Variants in CHST11 observed in about 807,000 individuals in gnomAD.
CHST11 encodes the protein C4S-1.
A neutral mutation model predicts 30.4 loss-of-function variants in CHST11; 9 were observed. That is an observed-to-expected ratio of 0.30 (90% CI 0.18 to 0.52). CHST11 has a LOEUF of 0.52. Ranked by LOEUF, CHST11 falls within the 20% of genes least tolerant of loss-of-function variation. The pLI, the probability that CHST11 is intolerant of heterozygous loss-of-function variation, is 0.97. For synonymous variants in CHST11, 152 were observed against 187.8 expected (o/e 0.81, Z 1.56); for missense variants, 348 against 460.6 (o/e 0.76, Z 2.24).
intron 1 of CHST11, among the ~76,000 whole-genome samples, chr12:104,572,844 G>A (rs1443878632): frequency 6.6e-6 from 1 of 152,178 alleles, no homozygotes; most frequent in Non-Finnish European, 1.5e-5. Flanking sequence ...ATTCAACATA[G>A]TGTTGGAAGT....
chr12:104,458,460 C>T lies in CHST11; in HGVS notation c.118+931C>T. On this transcript the variant is annotated intron_variant, in intron 1 of 2. Transcript: ENST00000303694. This position sits in a 1 kb window ranked among gnomAD's most constrained non-coding sequence, Gnocchi z 5.7. Reference sequence around the variant, plus strand: ...AATCTGGACTGGGGGAGGGACGAGGCTCGTCGCTTCCTAGGGGTGCGAGGG... The same window carrying T: ...AATCTGGACTGGGGGAGGGACGAGGTTCGTCGCTTCCTAGGGGTGCGAGGG... 6.6e-6 allele frequency among the ~76,000 whole-genome samples: 1 copy of T among 152,328 alleles called. No homozygotes were observed. The highest frequency in any genetic ancestry group is 1.5e-5 in the Non-Finnish European group (1 of 68,030).
At chr12:104,515,407 C>A (rs1004722629) in intron 1 of CHST11, among the ~76,000 whole-genome samples, 5 of 152,194 alleles carry the variant, frequency 3.3e-5, no homozygotes, top group Admixed American at 6.5e-5. Flanking sequence ...CAAGGTGAAT[C>A]GCGTTCTACA....
chr12:104,615,058 T>C (rs1311377785), intron 2 of CHST11, among the ~76,000 whole-genome samples: 1 of 152,194 alleles, frequency 6.6e-6, no homozygotes, highest in Non-Finnish European at 1.5e-5. Context: ...ATTACCGCAC[T>C]GGGAGACACT....
intron 2 of CHST11, among the ~76,000 whole-genome samples, chr12:104,633,406 C>G (rs752840459): frequency 3.4e-5 from 5 of 145,020 alleles, no homozygotes; most frequent in Non-Finnish European, 6.0e-5. Flanking sequence ...GCTCCTCTCC[C>G]TCTGTCTTTT....
At chr12:104,491,521 T>C (rs1385794818) in intron 1 of CHST11, among the ~76,000 whole-genome samples, 3 of 151,804 alleles carry the variant, frequency 2.0e-5, no homozygotes, top group Non-Finnish European at 4.4e-5. Flanking sequence ...CAGGGTGGAG[T>C]GCAGTGGTAT....
chr12:104,747,187 C>T (rs542832034), intron 2 of CHST11, among the ~76,000 whole-genome samples: 8 of 152,334 alleles, frequency 5.3e-5, no homozygotes, highest in South Asian at 2.1e-4. Flanking sequence ...TTGAGACCCA[C>T]GCCTCCAGCG....
intron 2 of CHST11, among the ~76,000 whole-genome samples, chr12:104,619,110 A>G (rs2039136175): frequency 6.6e-6 from 1 of 152,208 alleles, no homozygotes; most frequent in African/African-American, 2.4e-5. Context: ...ACCTGGGTGG[A>G]GGGTCCTGAA....
chr12:104,670,776 C>T (rs1178846660), intron 2 of CHST11, among the ~76,000 whole-genome samples: 1 of 143,046 alleles, frequency 7.0e-6, no homozygotes, highest in African/African-American at 2.8e-5. Flanking sequence ...CAATACACAC[C>T]CACACATACA....
At chr12:104,543,111 G>A (rs116480032) in intron 1 of CHST11, among the ~76,000 whole-genome samples, 6,621 of 152,310 alleles carry the variant, frequency 0.043, 488 homozygotes, top group African/African-American at 0.15. Context: ...GAAGCTTCCA[G>A]TCATGGCAGA....
intron 1 of CHST11, among the ~76,000 whole-genome samples, chr12:104,580,470 T>A (rs2038732249): frequency 2.0e-5 from 3 of 152,222 alleles, no homozygotes; most frequent in Admixed American, 2.0e-4. Context: ...CCCTCATGCA[T>A]GGTAGACATG....
intron 2 of CHST11, among the ~76,000 whole-genome samples, chr12:104,720,672 G>C (rs1005426525): frequency 2.6e-5 from 4 of 152,118 alleles, no homozygotes; most frequent in African/African-American, 9.7e-5. Flanking sequence ...TTGAGGCAGA[G>C]GAACACCACG....
intron 2 of CHST11, among the ~76,000 whole-genome samples, chr12:104,686,316 G>A (rs1016480693): frequency 2.0e-5 from 3 of 151,690 alleles, no homozygotes; most frequent in Admixed American, 6.6e-5. Flanking sequence ...CTGCTTAGCC[G>A]CTGATCCAGC....
At chr12:104,523,415 A>C (rs1052485606) in intron 1 of CHST11, among the ~76,000 whole-genome samples, 1 of 152,234 alleles carries the variant, frequency 6.6e-6, no homozygotes, top group African/African-American at 2.4e-5. Context: ...CCCAGCTTGG[A>C]ATCTACCTGG....
At chr12:104,548,741 A>G (rs1218736791) in intron 1 of CHST11, among the ~76,000 whole-genome samples, 1 of 152,202 alleles carries the variant, frequency 6.6e-6, no homozygotes, top group East Asian at 1.9e-4. Context: ...TGGGCCATTC[A>G]GGTGTCATTC....
intron 2 of CHST11, among the ~76,000 whole-genome samples, chr12:104,744,375 T>G (rs1395236641): frequency 2.6e-5 from 4 of 152,252 alleles, no homozygotes. Flanking sequence ...CTTTTTTTTG[T>G]ATGATTGTTG....
chr12:104,698,582 A>G lies in CHST11; in HGVS notation c.205-58367A>G, dbSNP rs548251809. On this transcript the variant is annotated intron_variant, in intron 2 of 2. Transcript: ENST00000303694. The stretch of plus-strand genomic sequence containing the variant: ...GCTAAGGGCTGTGTCTGGTATACAG[A>G]AGGCATTCAATTAAAGCATATTGGT... 1.1e-4 allele frequency among the ~76,000 whole-genome samples: 17 copies of G among 152,330 alleles called. No homozygotes were observed. The South Asian group carries it at 3.5e-3, about 32-fold the overall frequency.
chr12:104,505,859 A>G (rs968972449), intron 1 of CHST11, among the ~76,000 whole-genome samples: 2 of 152,166 alleles, frequency 1.3e-5, no homozygotes, highest in African/African-American at 4.8e-5. Context: ...GCTTTGCTAT[A>G]AAAAAATAAG....
intron 2 of CHST11, among the ~76,000 whole-genome samples, chr12:104,651,752 C>T (rs965601288): frequency 5.9e-5 from 9 of 152,306 alleles, no homozygotes; most frequent in South Asian, 2.1e-4. Flanking sequence ...GCTCTTTGCG[C>T]GTAATTGTAA....
In CHST11 at chr12:104,531,983, A is replaced by T. The variant is rs73384169; in HGVS notation, c.119-69923A>T. 4.6e-3 allele frequency among the ~76,000 whole-genome samples: 703 copies of T among 152,340 alleles called. 7 individuals are homozygous for T. The highest frequency in any genetic ancestry group is 0.016 in the African/African-American group (659 of 41,578). On this transcript the variant is annotated intron_variant, in intron 1 of 2. Coordinates refer to ENST00000303694, the MANE Select transcript of CHST11 (RefSeq NM_018413.6). The stretch of plus-strand genomic sequence containing the variant: ...GCTAGAGGGATTAAGTCACTTGCCC[A>T]GTGGCTCCTGCTAAAAAGCAATGAA...
Sources: gnomAD v4.1 joint callset for allele counts (sites outside exome capture counted in the v4.1 genomes callset) on GRCh38, gnomAD v4.1.1 for gene constraint, Gnocchi (gnomAD v3.1) non-coding constraint, MANE v1.5 for transcripts, NCBI Gene and HGNC (gene_info 2026-07-23, HGNC 2026-07-21) for gene names.